Variants in TANK observed in about 807,000 individuals in gnomAD.
The protein encoded by TANK is TRAF family member-associated NF-kappa-B activator.
Under a neutral mutation model 43.6 loss-of-function variants are expected in TANK, and 15 were observed. That is an observed-to-expected ratio of 0.34 (90% confidence interval 0.23 to 0.53). The LOEUF (loss-of-function observed/expected upper bound fraction) is 0.53. Among genes scored for constraint, TANK ranks in the 20% least tolerant of loss-of-function variants. The probability of loss-of-function intolerance (pLI) is 0.94; values close to 1 mark genes in which losing one functional copy is unlikely to be tolerated. For missense variants in TANK, 417 were observed against 498.6 expected (o/e 0.84, Z 1.56); for synonymous variants, 162 against 178.2 (o/e 0.91, Z 0.73).
upstream of TANK, chr2:161,160,164 A>G (rs1684339580): frequency 8.0e-6 from 3 of 373,132 alleles, no homozygotes; most frequent in East Asian, 1.1e-4. Context: ...AAAATCCAGC[A>G]AAGACTCACA....
chr2:161,235,879 T>G lies in TANK; in HGVS notation c.*361T>G, dbSNP rs1370188719. Reference sequence around the variant, plus strand: ...CTAAGTTTATTGCTTGGATTTCTAGTGAGAGCTGTTGAATTTGGTGATGTC... The same window carrying G: ...CTAAGTTTATTGCTTGGATTTCTAGGGAGAGCTGTTGAATTTGGTGATGTC... On this transcript the variant is annotated 3_prime_UTR_variant, in exon 8 of 8. Transcript: ENST00000392749. 1.3e-5 allele frequency: 2 copies of G among 154,878 alleles called. No individual in the cohort carries two copies. The highest frequency in any genetic ancestry group is 4.8e-5 in the African/African-American group (2 of 41,560). 9.6% of individuals were successfully genotyped at this position (154,878 alleles called of 1,614,324 possible).
chr2:161,213,541 T>TGCA (rs1307543369), intron 4 of TANK, among the ~76,000 whole-genome samples: 1 of 149,680 alleles, frequency 6.7e-6, no homozygotes, highest in African/African-American at 2.5e-5. Context: ...AGATGGAGGT[T>TGCA]GCATGAGCCA....
chr2:161,146,193 C>T (rs1683906205), intron 1 of TANK, among the ~76,000 whole-genome samples: 1 of 152,172 alleles, frequency 6.6e-6, no homozygotes, highest in Non-Finnish European at 1.5e-5. Flanking sequence ...TTGTTCCTCT[C>T]TAAACTGGTT....
intron 2 of TANK, chr2:161,200,940 C>G (rs1462922163): frequency 1.9e-5 from 4 of 209,224 alleles, no homozygotes; most frequent in Non-Finnish European, 2.5e-5. Flanking sequence ...CTAATATTTA[C>G]TGAGCATCCT....
At chr2:161,171,892 C>G (rs528012756) in intron 1 of TANK, among the ~76,000 whole-genome samples, 1 of 152,238 alleles carries the variant, frequency 6.6e-6, no homozygotes, top group Non-Finnish European at 1.5e-5. Flanking sequence ...TTTGAGATTA[C>G]TGAAAATATT....
At chr2:161,154,820 C>G (rs898373667) in intron 1 of TANK, among the ~76,000 whole-genome samples, 4 of 151,556 alleles carry the variant, frequency 2.6e-5, no homozygotes, top group African/African-American at 9.7e-5. Flanking sequence ...TCTCAGGTCA[C>G]TGCAACCTCC....
chr2:161,216,549 T>A (rs995807184), intron 4 of TANK: 20 of 215,714 alleles, frequency 9.3e-5, no homozygotes, highest in African/African-American at 4.5e-4. Flanking sequence ...AAGAATATAC[T>A]AGGTCTTGGT....
intron 4 of TANK, chr2:161,219,876 C>G (rs1461598761): frequency 2.5e-5 from 9 of 359,568 alleles, no homozygotes; most frequent in Non-Finnish European, 4.9e-5. Flanking sequence ...AGTTTTTTTC[C>G]TACTACTTAC....
At chr2:161,162,757 A>C (rs943721548) in intron 1 of TANK, 7 of 152,096 alleles carry the variant, frequency 4.6e-5, no homozygotes, top group Non-Finnish European at 8.8e-5. Flanking sequence ...CATTTTTGCA[A>C]CTGGGGATGG....
intron 2 of TANK, among the ~76,000 whole-genome samples, chr2:161,191,358 C>T (rs569050505): frequency 4.3e-4 from 65 of 152,218 alleles, no homozygotes; most frequent in Admixed American, 2.4e-3. Flanking sequence ...CCAGGGCTAT[C>T]CATTGTTAGT....
At chr2:161,155,792 C>T (rs1410157541), upstream of TANK, among the ~76,000 whole-genome samples, 1 of 152,144 alleles carries the variant, frequency 6.6e-6, no homozygotes, top group African/African-American at 2.4e-5. Context: ...CATATATTAC[C>T]CCTAATGTAA....
intron 6 of TANK, among the ~76,000 whole-genome samples, chr2:161,226,645 T>C (rs1158426118): frequency 2.0e-5 from 3 of 152,182 alleles, no homozygotes; most frequent in Non-Finnish European, 4.4e-5. Flanking sequence ...ATGATTCATT[T>C]GAAAATACTG....
intron 2 of TANK, among the ~76,000 whole-genome samples, chr2:161,187,436 A>G (rs1486487252): frequency 1.3e-5 from 2 of 152,158 alleles, no homozygotes; most frequent in Non-Finnish European, 1.5e-5. Context: ...CTCAAAAATA[A>G]AAGAACAAAA....
chr2:161,221,630 C>G (rs756100800), intron 4 of TANK, among the ~76,000 whole-genome samples: 1 of 151,172 alleles, frequency 6.6e-6, no homozygotes, highest in Admixed American at 6.6e-5. Flanking sequence ...TAAATAAACC[C>G]GACTTCAAAA....
At chr2:161,202,531 C>T (rs1330239651) in intron 2 of TANK, among the ~76,000 whole-genome samples, 2 of 151,856 alleles carry the variant, frequency 1.3e-5, no homozygotes, top group East Asian at 3.9e-4. Flanking sequence ...GTTTATTGGT[C>T]TCTGAAAATA....
chr2:161,202,693 G>T (rs1686474797), intron 2 of TANK, among the ~76,000 whole-genome samples: 1 of 152,010 alleles, frequency 6.6e-6, no homozygotes, highest in Non-Finnish European at 1.5e-5. Flanking sequence ...TCCCTCCAGG[G>T]ATAGAAATTG....
intron 2 of TANK, among the ~76,000 whole-genome samples, chr2:161,181,029 C>A (rs897371314): frequency 1.3e-5 from 2 of 151,874 alleles, no homozygotes; most frequent in Non-Finnish European, 2.9e-5. Flanking sequence ...GCTGGCACAG[C>A]AGGCACAACA....
intron 1 of TANK, among the ~76,000 whole-genome samples, chr2:161,138,367 G>A (rs1683647642): frequency 6.6e-6 from 1 of 152,046 alleles, no homozygotes; most frequent in African/African-American, 2.4e-5. Flanking sequence ...TTTATCCAGG[G>A]CTTTCTGTTA....
intron 1 of TANK, among the ~76,000 whole-genome samples, chr2:161,167,134 TACTC>T (rs1313815809): frequency 6.6e-6 from 1 of 152,214 alleles, no homozygotes; most frequent in Admixed American, 6.5e-5. Context: ...CCTCCCAAAT[TACTC>T]ACACTTGTCT....
Sources: allele counts gnomAD v4.1 joint callset (sites outside exome capture counted in the v4.1 genomes callset), GRCh38; gene constraint gnomAD v4.1.1; transcripts MANE v1.5; gene names NCBI Gene and HGNC (gene_info 2026-07-23, HGNC 2026-07-21).